Variants in ELF1 observed in about 807,000 individuals in gnomAD.
ELF1 encodes E74 like ETS transcription factor 1, also known as ETS-related transcription factor Elf-1.
Under a neutral mutation model 59.9 loss-of-function variants are expected in ELF1, and 24 were observed. The ratio of observed to expected loss-of-function variants is 0.40; its 90% CI spans 0.29 to 0.56. ELF1 has a LOEUF of 0.56. Ranked by LOEUF, ELF1 falls within the 20% of genes least tolerant of loss-of-function variation. The pLI is 0.44. For missense variants in ELF1, 627 were observed against 742.2 expected, an observed-to-expected ratio of 0.84 and a Z score of 1.80; for synonymous variants, 248 against 266.2, an observed-to-expected ratio of 0.93 and a Z score of 0.67.
chr13:40,933,918 T>G lies in ELF1; in HGVS notation c.1367A>C (p.Asp456Ala), dbSNP rs371815642. ...VPLTTVIAST[D>A]PSAGTGSQKF... ...CTGAGATCCAGTACCTGCTGATGGA[T>G]CTGTGCTGGCTATAACTGTTGTGAG... is the stretch of plus-strand genomic sequence containing the variant. Residue 456 changes from aspartate (D) to alanine (A), a missense_variant, in exon 9 of 9, where the codon GAT becomes GCT. By Grantham distance (126) the Asp-to-Ala change is moderately radical. Transcript: ENST00000239882. 4.8e-5 allele frequency: 77 copies of G among 1,614,132 alleles called. No homozygotes were observed. Among genetic ancestry groups the G allele is most frequent in the Non-Finnish European group, 6.4e-5 (75 of 1,180,044 alleles).
intron 3 of ELF1, among the ~76,000 whole-genome samples, chr13:40,956,493 C>G (rs991542330): frequency 1.3e-5 from 2 of 149,548 alleles, no homozygotes; most frequent in Non-Finnish European, 3.0e-5. Context: ...CTTATCTGCA[C>G]TTATCTGCTG....
intron 1 of ELF1, among the ~76,000 whole-genome samples, chr13:40,989,826 T>C (rs1158985111): frequency 1.3e-5 from 2 of 152,140 alleles, no homozygotes; most frequent in African/African-American, 2.4e-5. Flanking sequence ...ATAAAACTGA[T>C]TCTAGGAAGG....
At chr13:40,988,598 G>A (rs999071537) in intron 1 of ELF1, among the ~76,000 whole-genome samples, 3 of 152,084 alleles carry the variant, frequency 2.0e-5, no homozygotes, top group Non-Finnish European at 4.4e-5. Context: ...AGGGTTTGTA[G>A]ATTTCCCTAT....
chr13:41,060,869 C>A, exon 1 of ELF1: 1 of 335,382 alleles, frequency 3.0e-6, no homozygotes, highest in South Asian at 2.4e-5. Context: ...GCCTCCTTCG[C>A]CGCACCTCTC....
chr13:40,943,384 A>G (rs116644631), intron 6 of ELF1, among the ~76,000 whole-genome samples: 247 of 152,320 alleles, frequency 1.6e-3, no homozygotes, highest in African/African-American at 5.7e-3. Context: ...ATCTTGTCAT[A>G]AGATTTGTGA....
At chr13:40,938,382 C>T (rs1360320433) in intron 8 of ELF1, among the ~76,000 whole-genome samples, 4 of 152,134 alleles carry the variant, frequency 2.6e-5, no homozygotes, top group Non-Finnish European at 4.4e-5. Flanking sequence ...CATGCAATCA[C>T]ATGAAATAAA....
At chr13:40,956,912 G>A (rs1297988105) in intron 3 of ELF1, among the ~76,000 whole-genome samples, 3 of 151,360 alleles carry the variant, frequency 2.0e-5, no homozygotes, top group East Asian at 3.8e-4. Context: ...GGCTGGTCTC[G>A]AACTCCTGAC....
chr13:40,974,998 C>T (rs1474805698), intron 2 of ELF1, among the ~76,000 whole-genome samples: 1 of 152,138 alleles, frequency 6.6e-6, no homozygotes, highest in African/African-American at 2.4e-5. Flanking sequence ...AAACAAGCAA[C>T]CTCTGTATAT....
chr13:41,021,263 T>C (rs1439719284), upstream of ELF1, among the ~76,000 whole-genome samples: 2 of 152,146 alleles, frequency 1.3e-5, no homozygotes, highest in Non-Finnish European at 2.9e-5. Context: ...CAAACATAAT[T>C]TAAAGGAAGT....
chr13:41,007,021 G>A (rs768628809), intron 1 of ELF1, among the ~76,000 whole-genome samples: 1 of 151,878 alleles, frequency 6.6e-6, no homozygotes, highest in Non-Finnish European at 1.5e-5. Context: ...ACCCTCCTTA[G>A]AACTTGGTGC....
Position 40,982,284 on chromosome 13 carries a change from TA to T in ELF1, c.-228-3del. The T allele has an allele frequency of 1.6e-6, 2 of 1,249,036 alleles. No individual in the cohort carries two copies. Among genetic ancestry groups the T allele is most frequent in the South Asian group, 2.9e-5 (1 of 34,754 alleles). 77.4% of individuals were successfully genotyped at this position (1,249,036 alleles called of 1,614,324 possible). On this transcript the variant is annotated splice_polypyrimidine_tract_variant and splice_region_variant and intron_variant, in intron 1 of 8. Transcript: ENST00000239882. ...TTTTCTTCTCTCAAGCTTCTTGGCC[TA>T]AAAAACAAAAGCTCAGATTAGTTAT...
At chr13:41,004,215 A>G (rs1314111707) in intron 1 of ELF1, among the ~76,000 whole-genome samples, 1 of 152,126 alleles carries the variant, frequency 6.6e-6, no homozygotes, top group Non-Finnish European at 1.5e-5. Context: ...AAGTCAACCA[A>G]AAGATGACAG....
At chr13:40,953,076 A>C (rs1390293800) in intron 3 of ELF1, among the ~76,000 whole-genome samples, 1 of 150,840 alleles carries the variant, frequency 6.6e-6, no homozygotes, top group East Asian at 1.9e-4. Context: ...TCCCAGATTC[A>C]AGCGATTCTC....
intron 1 of ELF1, among the ~76,000 whole-genome samples, chr13:41,001,318 T>A (rs1475432012): frequency 6.6e-6 from 1 of 152,052 alleles, no homozygotes; most frequent in Admixed American, 6.6e-5. Context: ...CTGGGCATGG[T>A]GGCTCATGCT....
chr13:41,053,871 T>C (rs958271571), intron 1 of ELF1, among the ~76,000 whole-genome samples: 3 of 152,148 alleles, frequency 2.0e-5, no homozygotes, highest in Admixed American at 6.5e-5. Flanking sequence ...AACTCATTTG[T>C]ATAAATACAA....
At chr13:41,041,032 G>A (rs951164526) in intron 1 of ELF1, among the ~76,000 whole-genome samples, 6 of 152,256 alleles carry the variant, frequency 3.9e-5, no homozygotes, top group East Asian at 1.9e-4. Context: ...AAAGGTGACC[G>A]TGGATATGAA....
At chr13:41,024,407 G>A (rs1010970913) in intron 1 of ELF1, among the ~76,000 whole-genome samples, 2 of 152,032 alleles carry the variant, frequency 1.3e-5, no homozygotes, top group African/African-American at 4.8e-5. Flanking sequence ...TCAGCGTAAA[G>A]CAATTTCTGC....
intron 1 of ELF1, among the ~76,000 whole-genome samples, chr13:41,018,295 C>T (rs952183302): frequency 1.3e-5 from 2 of 152,170 alleles, no homozygotes; most frequent in Non-Finnish European, 2.9e-5. Context: ...CAGCCAAAAT[C>T]TCATAACTAC....
At position 41,031,034 on chromosome 13, in the gene ELF1, G is replaced by A. The variant is rs937078915; in HGVS notation, c.-229+29804C>T. On this transcript the variant is annotated intron_variant, in intron 1 of 1. Transcript: ENST00000405737. ...AGAAATGAGCCAGGCATGGTGGTGCGTGCCTGGGGTCCCAGCTACTCAAGT... is the reference window on the plus strand; with the variant it reads ...AGAAATGAGCCAGGCATGGTGGTGCATGCCTGGGGTCCCAGCTACTCAAGT... Among the ~76,000 whole-genome samples the A allele has an allele frequency of 1.4e-4, 22 of 151,838 alleles. No individual in the cohort carries two copies. The East Asian group carries it at 2.9e-3, about 20-fold the overall frequency.
Sources: gnomAD v4.1 joint callset for allele counts (sites outside exome capture counted in the v4.1 genomes callset) on GRCh38, gnomAD v4.1.1 for gene constraint, MANE v1.5 for transcripts, NCBI Gene and HGNC (gene_info 2026-07-23, HGNC 2026-07-21) for gene names.